Variants in SLIT3 observed in about 807,000 individuals in gnomAD.
The protein encoded by SLIT3 is slit homolog 3 protein.
Under a neutral mutation model 184.0 loss-of-function variants are expected in SLIT3, and 68 were observed. That is an observed-to-expected ratio of 0.37 (90% CI 0.30 to 0.45). The LOEUF (loss-of-function observed/expected upper bound fraction) is 0.45, where lower values mean the gene tolerates loss of function less well. Ranked by LOEUF, SLIT3 falls within the 20% of genes least tolerant of loss-of-function variation. SLIT3 has a pLI of 1.00. For missense variants in SLIT3, 1,707 were observed against 2,026.0 expected (o/e 0.84, Z 3.02); for synonymous variants, 831 against 828.6 (o/e 1.00, Z -0.05).
intron 4 of SLIT3, among the ~76,000 whole-genome samples, chr5:169,096,338 G>C (rs997906319): frequency 3.3e-5 from 5 of 152,184 alleles, no homozygotes; most frequent in Non-Finnish European, 5.9e-5. Flanking sequence ...ACCTGTGTGT[G>C]TCTCCAAGGT....
chr5:168,718,174 T>G (rs2113353021), intron 23 of SLIT3: 1 of 151,600 alleles, frequency 6.6e-6, no homozygotes, highest in African/African-American at 2.4e-5. Context: ...AAAAGTGGAA[T>G]AGAGTTGCCT....
At chr5:169,081,095 G>A (rs1194137788) in intron 4 of SLIT3, among the ~76,000 whole-genome samples, 1 of 152,174 alleles carries the variant, frequency 6.6e-6, no homozygotes, top group Non-Finnish European at 1.5e-5. Context: ...AACAGGGAAG[G>A]ACAGGAGCCA....
intron 4 of SLIT3, among the ~76,000 whole-genome samples, chr5:168,893,072 C>T (rs1727872426): frequency 6.6e-6 from 1 of 152,314 alleles, no homozygotes; most frequent in African/African-American, 2.4e-5. Context: ...ATTTTGGTGT[C>T]TTCACATTGT....
intron 6 of SLIT3, among the ~76,000 whole-genome samples, chr5:168,830,102 A>C (rs1307201430): frequency 6.6e-6 from 1 of 152,082 alleles, no homozygotes; most frequent in African/African-American, 2.4e-5. Context: ...AGGTCCTAAG[A>C]GTGATCGTTA....
chr5:168,910,294 C>A (rs1761210462), intron 4 of SLIT3, among the ~76,000 whole-genome samples: 1 of 152,200 alleles, frequency 6.6e-6, no homozygotes, highest in Admixed American at 6.5e-5. Flanking sequence ...TCTAAATGAA[C>A]AATTTCTACT....
At chr5:169,168,615 A>AAAACC (rs1762718717) in intron 4 of SLIT3, among the ~76,000 whole-genome samples, 1 of 152,236 alleles carries the variant, frequency 6.6e-6, no homozygotes, top group Non-Finnish European at 1.5e-5. Context: ...TCACTACTTC[A>AAAACC]AAACCAAACC....
At chr5:168,704,957 A>C (rs1344180224) in intron 26 of SLIT3, among the ~76,000 whole-genome samples, 3 of 152,198 alleles carry the variant, frequency 2.0e-5, no homozygotes, top group African/African-American at 7.2e-5. Flanking sequence ...TGCAACCCTC[A>C]GTTAAAGGAT....
At chr5:168,777,214 C>T (rs570053874) in intron 12 of SLIT3, among the ~76,000 whole-genome samples, 1 of 151,942 alleles carries the variant, frequency 6.6e-6, no homozygotes, top group Non-Finnish European at 1.5e-5. Flanking sequence ...GAGTAGCTGC[C>T]CCCTTTAGAT....
intron 4 of SLIT3, among the ~76,000 whole-genome samples, chr5:168,897,896 C>A (rs1279027146): frequency 2.0e-5 from 1 of 49,216 alleles, no homozygotes; most frequent in African/African-American, 5.0e-5. Flanking sequence ...CTCTGAGACA[C>A]CCCCCCACCT....
At chr5:168,870,543 T>G (rs1340200579) in intron 5 of SLIT3, among the ~76,000 whole-genome samples, 1 of 152,184 alleles carries the variant, frequency 6.6e-6, no homozygotes, top group African/African-American at 2.4e-5. Flanking sequence ...ATCCTGATTC[T>G]CTTTTATGCT....
chr5:168,845,398 T>C (rs1758424704), intron 5 of SLIT3, among the ~76,000 whole-genome samples: 1 of 152,176 alleles, frequency 6.6e-6, no homozygotes. Flanking sequence ...GAAGCGTTCA[T>C]GAAGAGGGGA....
chr5:169,296,342 A>G (rs1218859805), intron 1 of SLIT3, among the ~76,000 whole-genome samples: 1 of 152,204 alleles, frequency 6.6e-6, no homozygotes, highest in Non-Finnish European at 1.5e-5. Context: ...GAAAACCACT[A>G]AGACTATACA....
intron 4 of SLIT3, among the ~76,000 whole-genome samples, chr5:169,149,340 C>T (rs1581460745): frequency 1.0e-4 from 14 of 137,900 alleles, no homozygotes; most frequent in South Asian, 2.4e-4. Context: ...ACAACATGGG[C>T]TTTTTTTTTT....
chr5:169,186,258 C>T (rs1763331123), intron 4 of SLIT3, among the ~76,000 whole-genome samples: 2 of 152,020 alleles, frequency 1.3e-5, no homozygotes, highest in African/African-American at 4.8e-5. Flanking sequence ...CTGGTGTCCC[C>T]ATAAGAAGAG....
At chr5:169,209,341 T>C (rs1275193683) in intron 3 of SLIT3, among the ~76,000 whole-genome samples, 2 of 152,230 alleles carry the variant, frequency 1.3e-5, no homozygotes, top group Non-Finnish European at 2.9e-5. Flanking sequence ...GGAACACTTT[T>C]ACACGTTGGT....
intron 4 of SLIT3, among the ~76,000 whole-genome samples, chr5:168,955,979 T>C (rs369290549): frequency 3.9e-5 from 6 of 152,298 alleles, no homozygotes; most frequent in African/African-American, 1.4e-4. Context: ...ATCTGGGCTG[T>C]GTCCATAGCG....
At chr5:169,146,339 A>C (rs1761924344) in intron 4 of SLIT3, among the ~76,000 whole-genome samples, 1 of 152,210 alleles carries the variant, frequency 6.6e-6, no homozygotes, top group Admixed American at 6.5e-5. Flanking sequence ...TACATGACGC[A>C]GTGTTTGGCC....
Position 168,774,247 on chromosome 5 carries a change from G to A in SLIT3, c.1283C>T (p.Ser428Phe), listed in dbSNP as rs916451819. Residue 428 changes from serine (S) to phenylalanine (F), a missense_variant, in exon 13 of 36, where the codon TCC becomes TTC. Around this residue, in one of 3 missense-constraint regions of SLIT3, gnomAD observed 1,307 missense variants for 1,511.6 expected, o/e 0.86. Coordinates refer to ENST00000519560, the MANE Select transcript of SLIT3 (RefSeq NM_003062.4). ...ISKGLFAPLQ[S>F]IQTLHLAQNP... ...GCAGTGTACTCACAGTGTCTGGATG[G>A]ACTGCAGAGGGGCGAAGAGCCCCTT... 1.9e-6 allele frequency: 3 copies of A among 1,611,920 alleles called. No homozygotes were observed. Among genetic ancestry groups the A allele is most frequent in the Admixed American group, 1.7e-5 (1 of 59,638 alleles).
intron 4 of SLIT3, among the ~76,000 whole-genome samples, chr5:168,890,595 GTCTTTA>G (rs1760418346): frequency 6.6e-6 from 1 of 152,144 alleles, no homozygotes; most frequent in South Asian, 2.1e-4. Flanking sequence ...TTTCATTTAT[GTCTTTA>G]TCTTTGAGAG....
Sources: allele counts gnomAD v4.1 joint callset (sites outside exome capture counted in the v4.1 genomes callset), GRCh38; gene constraint gnomAD v4.1.1; regional missense constraint gnomAD v4.1.1; transcripts MANE v1.5; gene names NCBI Gene and HGNC (gene_info 2026-07-23, HGNC 2026-07-21).